RGSL1: variants seen among roughly 807,000 people sequenced by gnomAD.
RGSL1 encodes regulator of G protein signaling protein-like.
In RGSL1, 97 loss-of-function variants were observed where a neutral mutation model predicts 124.7. The ratio of observed to expected loss-of-function variants is 0.78; its 90% CI spans 0.66 to 0.92. The LOEUF is 0.92. Among genes scored for constraint, RGSL1 ranks in the 40% least tolerant of loss-of-function variants. The pLI, the probability that RGSL1 is intolerant of heterozygous loss-of-function variation, is 0.00. For synonymous variants in RGSL1, 424 were observed against 438.1 expected, an observed-to-expected ratio of 0.97 and a Z score of 0.40; for missense variants, 1,233 against 1,288.4, an observed-to-expected ratio of 0.96 and a Z score of 0.66.
intron 13 of RGSL1, 69 bp downstream of exon 13, chr1:182,530,979 A>T (rs1433609968): frequency 2.0e-6 from 3 of 1,486,076 alleles, no homozygotes; most frequent in African/African-American, 1.4e-5. Context: ...GTAGGTTTTT[A>T]AATCCCCATT....
intron 9 of RGSL1, among the ~76,000 whole-genome samples, chr1:182,505,198 C>G (rs1656722357): frequency 6.6e-6 from 1 of 150,760 alleles, no homozygotes; most frequent in Non-Finnish European, 1.5e-5. Flanking sequence ...GGAAACACTC[C>G]AAGTATGGCA....
At chr1:182,516,640 T>G (rs913599107) in intron 9 of RGSL1, among the ~76,000 whole-genome samples, 3 of 152,182 alleles carry the variant, frequency 2.0e-5, no homozygotes, top group Non-Finnish European at 4.4e-5. Flanking sequence ...ACCATAAGCC[T>G]TACAAAAAAC....
At chr1:182,532,246 G>A (rs912403925) in intron 13 of RGSL1, among the ~76,000 whole-genome samples, 1 of 152,118 alleles carries the variant, frequency 6.6e-6, no homozygotes, top group African/African-American at 2.4e-5. Context: ...TCTTTTTTAA[G>A]TGCTTAGAAA....
intron 9 of RGSL1, among the ~76,000 whole-genome samples, chr1:182,514,215 C>T (rs1657687275): frequency 6.6e-6 from 1 of 152,110 alleles, no homozygotes; most frequent in Non-Finnish European, 1.5e-5. Context: ...TTCATTAAAT[C>T]CCTGGTCTAT....
At chr1:182,543,717 A>G (rs566741284) in intron 15 of RGSL1, among the ~76,000 whole-genome samples, 1 of 152,068 alleles carries the variant, frequency 6.6e-6, no homozygotes, top group East Asian at 1.9e-4. Context: ...CTTGTTACTC[A>G]TTATCTGTTC....
chr1:182,543,971 C>A (rs191458461), intron 15 of RGSL1, among the ~76,000 whole-genome samples: 65 of 151,830 alleles, frequency 4.3e-4, no homozygotes, highest in African/African-American at 1.5e-3. Flanking sequence ...TTTCATTAAT[C>A]TTCTGTATTT....
At chr1:182,462,541 T>A (rs2102003453) in intron 4 of RGSL1, among the ~76,000 whole-genome samples, 1 of 152,328 alleles carries the variant, frequency 6.6e-6, no homozygotes, top group Middle Eastern at 3.4e-3. Context: ...TAATATATGT[T>A]TTAAAAGAAT....
chr1:182,475,814 A>G (rs1654246381), intron 6 of RGSL1, among the ~76,000 whole-genome samples: 1 of 152,234 alleles, frequency 6.6e-6, no homozygotes, highest in Non-Finnish European at 1.5e-5. Flanking sequence ...AGTAGAAAGT[A>G]GATCTGGAGG....
rs535326484 is a variant in RGSL1, at chr1:182,546,485, C to G, written c.2670-1832C>G. Among the ~76,000 whole-genome samples, 6 of 152,310 alleles carry G rather than the reference C, an allele frequency of 3.9e-5. No individual in the cohort carries two copies. The East Asian group carries it at 1.2e-3, about 29-fold the overall frequency. ...CTTGGCTCACTTAAACCTCCACCTC[C>G]TGGGTTCAAGCGATTCTCTTGCCTC... On this transcript the variant is annotated intron_variant, in intron 15 of 21. Coordinates refer to ENST00000294854, the MANE Select transcript of RGSL1 (RefSeq NM_001137669.2).
intron 4 of RGSL1, among the ~76,000 whole-genome samples, chr1:182,469,222 G>A (rs1197540401): frequency 1.3e-5 from 2 of 152,092 alleles, no homozygotes; most frequent in South Asian, 2.1e-4. Flanking sequence ...AAGTAAAAAG[G>A]CAGCCTAAAG....
At chr1:182,500,180 A>T (rs968263243) in intron 9 of RGSL1, among the ~76,000 whole-genome samples, 1 of 152,062 alleles carries the variant, frequency 6.6e-6, no homozygotes, top group African/African-American at 2.4e-5. Context: ...TTTTGAGTTA[A>T]TTTTTTTGTG....
intron 14 of RGSL1, among the ~76,000 whole-genome samples, chr1:182,538,175 AG>A (rs1303817599): frequency 6.6e-6 from 1 of 152,190 alleles, no homozygotes; most frequent in South Asian, 2.1e-4. Context: ...TCGTTTCGGA[AG>A]GGAGGATAAA....
At chr1:182,520,351 C>A (rs1658243140) in intron 9 of RGSL1, among the ~76,000 whole-genome samples, 1 of 152,146 alleles carries the variant, frequency 6.6e-6, no homozygotes, top group Non-Finnish European at 1.5e-5. Context: ...CCCCTTCTGT[C>A]CTGAGAATCT....
At position 182,548,760 on chromosome 1, in the gene RGSL1, G is replaced by A; in HGVS notation, c.2869G>A (p.Asp957Asn). The change falls in exon 17 of 22, where the codon GAT (aspartate) becomes AAT (asparagine). Residue 957 changes from aspartate to asparagine, a missense_variant. Asp to Asn is a conservative substitution (Grantham distance 23, BLOSUM62 1). Transcript: ENST00000294854. The part of the protein sequence containing the change: ...ILAAITEGYL[D>N]RSVFHGAIMS... ...TGCTGCCATCACAGAGGGCTACCTA[G>A]ATCGGAGCGTCTTCCATGGGGCTAT... is the stretch of plus-strand genomic sequence containing the variant. 6.4e-7 allele frequency: 1 copy of A among 1,551,688 alleles called. No homozygotes were observed. The highest frequency in any genetic ancestry group is 8.7e-7 in the Non-Finnish European group (1 of 1,146,986).
chr1:182,517,821 A>G (rs755949312), intron 9 of RGSL1, among the ~76,000 whole-genome samples: 1 of 152,186 alleles, frequency 6.6e-6, no homozygotes, highest in Non-Finnish European at 1.5e-5. Flanking sequence ...TCTTAAAACT[A>G]CTATTTTGAA....
Position 182,527,681 on chromosome 1 carries a change from A to G in RGSL1, c.2034A>G (p.Val678=), listed in dbSNP as rs1332807145. The change falls in exon 11 of 22, where the codon GTA becomes GTG. Residue 678 remains valine, a synonymous_variant. Transcript: ENST00000294854. ...TCCCATTGCAATTTCTCACAGCTGT[A>G]CAGAAGATCAGTATAGAGACCAATG... ...AKIPLQFLTA[V]QKISIETNEK... is the part of the protein sequence containing the mutation. 1 of 1,551,472 alleles carries G rather than the reference A, an allele frequency of 6.4e-7. No individual in the cohort carries two copies. The highest frequency in any genetic ancestry group is 8.7e-7 in the Non-Finnish European group (1 of 1,146,704).
At chr1:182,453,099 G>T (rs1377775064) in intron 1 of RGSL1, among the ~76,000 whole-genome samples, 1 of 152,164 alleles carries the variant, frequency 6.6e-6, no homozygotes, top group African/African-American at 2.4e-5. Flanking sequence ...TTCACCTGGG[G>T]TCTCCGTGTT....
intron 8 of RGSL1, 34 bp downstream of exon 8, chr1:182,489,236 A>G (rs761370856): frequency 5.7e-5 from 84 of 1,466,136 alleles, no homozygotes; most frequent in South Asian, 4.3e-4. Flanking sequence ...TTTGACCTTT[A>G]CATATGGGCA....
chr1:182,462,592 G>A (rs1457588636), intron 4 of RGSL1, among the ~76,000 whole-genome samples: 1 of 151,898 alleles, frequency 6.6e-6, no homozygotes, highest in Non-Finnish European at 1.5e-5. Flanking sequence ...AACTTTGGTT[G>A]GTAACTCCAC....
Sources: allele counts gnomAD v4.1 joint callset (sites outside exome capture counted in the v4.1 genomes callset), GRCh38; gene constraint gnomAD v4.1.1; transcripts MANE v1.5; gene names NCBI Gene and HGNC (gene_info 2026-07-23, HGNC 2026-07-21).